AREL1: variants seen among roughly 807,000 people sequenced by gnomAD.
The protein encoded by AREL1 is apoptosis resistant E3 ubiquitin protein ligase 1, also known as apoptosis-resistant E3 ubiquitin protein ligase 1.
AREL1 carries 62 observed loss-of-function variants against 99.0 expected under a neutral mutation model. The observed-to-expected ratio is 0.63, with a 90% CI of 0.51 to 0.77. The LOEUF (loss-of-function observed/expected upper bound fraction) is 0.77, where lower values mean the gene tolerates loss of function less well. Among genes scored for constraint, AREL1 ranks in the 30% least tolerant of loss-of-function variants. AREL1 has a pLI of 0.00. For synonymous variants in AREL1, 380 were observed against 376.5 expected (o/e 1.01, Z -0.11); for missense variants, 879 against 1,027.6 (o/e 0.86, Z 1.98).
chr14:74,673,318 G>C (rs1257108204), intron 9 of AREL1, 100 bp from the exon 10 acceptor site: 5 of 1,261,746 alleles, frequency 4.0e-6, no homozygotes, highest in Non-Finnish European at 5.5e-6. Context: ...CAATAAGTTA[G>C]GCTTGTTTTC....
At chr14:74,675,068 T>C (rs1232356299) in intron 8 of AREL1, among the ~76,000 whole-genome samples, 1 of 152,204 alleles carries the variant, frequency 6.6e-6, no homozygotes, top group Middle Eastern at 3.2e-3. Flanking sequence ...AAACACATAC[T>C]AAAGAAGACA....
At chr14:74,691,734 G>A (rs1369510902) in intron 2 of AREL1, among the ~76,000 whole-genome samples, 1 of 152,138 alleles carries the variant, frequency 6.6e-6, no homozygotes, top group Non-Finnish European at 1.5e-5. Flanking sequence ...TGTCTCAAGG[G>A]ACTGTTAGAA....
At position 74,663,963 on chromosome 14, in the gene AREL1, G is replaced by A. The variant is rs2089148288; in HGVS notation, c.2305C>T (p.Leu769Phe). ...SQLPPGGFAA[L>F]CPSFQIIAAP... ...GCAATAATCTGAAATGAGGGACAGA[G>A]GGCGGCAAAGCCTCCAGGTGGTAGC... is the stretch of plus-strand genomic sequence containing the variant. Residue 769 changes from leucine (L) to phenylalanine (F), a missense_variant, in exon 19 of 20, where the codon CTC (leucine) becomes TTC (phenylalanine). Transcript: ENST00000356357. 2 of 1,614,196 alleles carry A rather than the reference G, an allele frequency of 1.2e-6. No homozygotes were observed. Among genetic ancestry groups the A allele is most frequent in the Non-Finnish European group, 1.7e-6 (2 of 1,180,016 alleles).
At position 74,661,391 on chromosome 14, in the gene AREL1, C is replaced by T. The variant is rs2089073418; in HGVS notation, c.*2329G>A. ...AATTTTCCAGAAACATGCTGACACT[C>T]TCCTAGGTATTCACTCATGTCTGGT... On this transcript the variant is annotated 3_prime_UTR_variant, in exon 20 of 20. Transcript: ENST00000356357. 1 of 454,098 alleles carries T rather than the reference C, an allele frequency of 2.2e-6. No individual in the cohort carries two copies. Among genetic ancestry groups the T allele is most frequent in the South Asian group, 1.6e-5 (1 of 64,208 alleles). 28.1% of individuals were successfully genotyped at this position (454,098 alleles called of 1,614,324 possible).
intron 1 of AREL1, among the ~76,000 whole-genome samples, chr14:74,694,594 A>G (rs1272349145): frequency 6.6e-6 from 1 of 152,212 alleles, no homozygotes; most frequent in Non-Finnish European, 1.5e-5. Context: ...TTGCAAGGAC[A>G]TGTAAAAAGT....
chr14:74,677,889 A>C (rs1438437361), intron 5 of AREL1, among the ~76,000 whole-genome samples: 1 of 152,096 alleles, frequency 6.6e-6, no homozygotes, highest in East Asian at 1.9e-4. Flanking sequence ...TTTTGTTACA[A>C]ATTCTTAACC....
intron 5 of AREL1, among the ~76,000 whole-genome samples, chr14:74,681,081 G>A (rs1192387537): frequency 1.3e-5 from 2 of 152,142 alleles, no homozygotes; most frequent in African/African-American, 4.8e-5. Flanking sequence ...AGCTACTTGG[G>A]AGGCTGAGGT....
At chr14:74,690,419 G>A (rs916814216) in intron 2 of AREL1, among the ~76,000 whole-genome samples, 2 of 152,168 alleles carry the variant, frequency 1.3e-5, no homozygotes, top group African/African-American at 2.4e-5. Flanking sequence ...TGTAGATAGA[G>A]TTTGAAAGGA....
At chr14:74,690,211 G>C (rs959763840) in intron 2 of AREL1, among the ~76,000 whole-genome samples, 2 of 138,564 alleles carry the variant, frequency 1.4e-5, no homozygotes, top group Non-Finnish European at 3.0e-5. Flanking sequence ...AGTGAGCCCT[G>C]ATGGCACCAC....
At chr14:74,672,992 A>G (rs1239084662) in intron 10 of AREL1, 40 bp from the exon 11 acceptor site, 1 of 1,614,126 alleles carries the variant, frequency 6.2e-7, no homozygotes. Context: ...CCTCATTACA[A>G]GCCATCTGTG....
chr14:74,682,597 T>C (rs147747724), intron 5 of AREL1, among the ~76,000 whole-genome samples: 323 of 152,318 alleles, frequency 2.1e-3, no homozygotes, highest in Non-Finnish European at 3.1e-3. Flanking sequence ...GTTTAGATAT[T>C]TGTACCCTCC....
At chr14:74,681,248 G>C (rs73301914) in intron 5 of AREL1, among the ~76,000 whole-genome samples, 3,236 of 152,000 alleles carry the variant, frequency 0.021, 115 homozygotes, top group African/African-American at 0.074. Flanking sequence ...CCACACATCT[G>C]GTCCCAAGCA....
intron 1 of AREL1, 48 bp downstream of exon 1, chr14:74,712,885 T>C (rs1270327437): frequency 1.8e-6 from 1 of 568,206 alleles, no homozygotes; most frequent in Non-Finnish European, 3.3e-6. Flanking sequence ...GGAACTCTGG[T>C]AAAGGCAGGT....
At chr14:74,702,776 T>A (rs193134957) in intron 1 of AREL1, among the ~76,000 whole-genome samples, 3 of 152,232 alleles carry the variant, frequency 2.0e-5, no homozygotes, top group African/African-American at 7.2e-5. Context: ...AAGTTCCAAT[T>A]TCAGATCATC....
intron 5 of AREL1, among the ~76,000 whole-genome samples, chr14:74,682,479 C>T (rs2089651968): frequency 6.6e-6 from 1 of 152,100 alleles, no homozygotes; most frequent in Admixed American, 6.6e-5. Context: ...AATTCGACCA[C>T]CAACTGATGA....
chr14:74,664,110 G>A (rs2089153300), intron 18 of AREL1, 36 bp from the exon 19 acceptor site: 1 of 1,595,370 alleles, frequency 6.3e-7, no homozygotes, highest in Non-Finnish European at 8.5e-7. Context: ...ATCACACACA[G>A]TAAACAAGCT....
At chr14:74,668,771 C>T (rs1344701025) in intron 15 of AREL1, among the ~76,000 whole-genome samples, 2 of 152,206 alleles carry the variant, frequency 1.3e-5, no homozygotes, top group African/African-American at 2.4e-5. Flanking sequence ...TTTAAATTTA[C>T]TGCAACTTTA....
intron 2 of AREL1, among the ~76,000 whole-genome samples, chr14:74,686,512 T>C (rs957825813): frequency 4.6e-5 from 7 of 152,370 alleles, no homozygotes; most frequent in South Asian, 2.1e-4. Context: ...TATTTTACAA[T>C]GCATGAATGC....
intron 1 of AREL1, among the ~76,000 whole-genome samples, chr14:74,704,387 C>G (rs751899073): frequency 6.6e-6 from 1 of 152,124 alleles, no homozygotes; most frequent in Non-Finnish European, 1.5e-5. Context: ...CTTGAGACAT[C>G]AATCAAGATG....
Sources: gnomAD v4.1 joint callset for allele counts (sites outside exome capture counted in the v4.1 genomes callset) on GRCh38, gnomAD v4.1.1 for gene constraint, MANE v1.5 for transcripts, NCBI Gene and HGNC (gene_info 2026-07-23, HGNC 2026-07-21) for gene names.